Variants in ARHGEF11 observed in about 807,000 individuals in gnomAD.
ARHGEF11 encodes Rho guanine nucleotide exchange factor 11.
Under a neutral mutation model 193.7 loss-of-function variants are expected in ARHGEF11, and 55 were observed. The observed-to-expected ratio is 0.28, with a 90% CI of 0.23 to 0.36. The LOEUF is 0.36. Among genes scored for constraint, ARHGEF11 ranks in the 10% least tolerant of loss-of-function variants. The probability of loss-of-function intolerance (pLI) is 1.00; values close to 1 mark genes in which losing one functional copy is unlikely to be tolerated. For missense variants in ARHGEF11, 1,723 were observed against 2,005.6 expected, an observed-to-expected ratio of 0.86 and a Z score of 2.69; for synonymous variants, 693 against 768.0, an observed-to-expected ratio of 0.90 and a Z score of 1.62.
intron 3 of ARHGEF11, among the ~76,000 whole-genome samples, chr1:156,982,084 T>A (rs1401206905): frequency 2.0e-5 from 3 of 152,186 alleles, no homozygotes; most frequent in African/African-American, 7.2e-5. Context: ...TACTTGCAAA[T>A]AGCTTGAAAT....
intron 12 of ARHGEF11, 43 bp downstream of exon 12, chr1:156,963,477 G>A: frequency 6.3e-7 from 1 of 1,595,396 alleles, no homozygotes; most frequent in East Asian, 2.2e-5. Context: ...CAGCTTGTAT[G>A]ACAAAAAAAA....
At chr1:157,022,135 G>A (rs1301091744) in intron 1 of ARHGEF11, among the ~76,000 whole-genome samples, 1 of 152,212 alleles carries the variant, frequency 6.6e-6, no homozygotes, top group African/African-American at 2.4e-5. Flanking sequence ...AATAAACTGA[G>A]GATGGCCACT....
intron 1 of ARHGEF11, 135 bp downstream of exon 1, chr1:157,044,164 G>T: frequency 2.5e-6 from 2 of 798,556 alleles, no homozygotes; most frequent in African/African-American, 1.7e-5. Flanking sequence ...AGTCCCCAGA[G>T]ACTAATGCTC....
intron 15 of ARHGEF11, among the ~76,000 whole-genome samples, chr1:156,959,939 C>A (rs868023839): frequency 4.4e-4 from 49 of 111,478 alleles, no homozygotes; most frequent in Admixed American, 3.4e-3. Flanking sequence ...CCCTCCCCCC[C>A]CCCCAAAAAA....
Position 156,939,973 on chromosome 1 carries a change from T to C in ARHGEF11, c.3734-63A>G, listed in dbSNP as rs1233335431. On this transcript the variant is annotated intron_variant, in intron 36 of 40. Transcript: ENST00000368194. ...ACTGCACACCACGCCAGAAGGATCG[T>C]TGTACTGCCCCACTGACCCCAAGGT... The C allele has an allele frequency of 3.8e-6, 6 of 1,576,776 alleles. No individual in the cohort carries two copies. The Admixed American group carries it at 7.5e-5, about 20-fold the overall frequency.
At chr1:157,030,278 G>A (rs1251548235) in intron 1 of ARHGEF11, among the ~76,000 whole-genome samples, 1 of 152,168 alleles carries the variant, frequency 6.6e-6, no homozygotes, top group Admixed American at 6.5e-5. Flanking sequence ...TAGCTTAAAA[G>A]ATGCTGCACT....
chr1:156,995,488 C>T (rs1453378304), intron 1 of ARHGEF11, among the ~76,000 whole-genome samples: 1 of 152,072 alleles, frequency 6.6e-6, no homozygotes, highest in Non-Finnish European at 1.5e-5. Context: ...GTTGAGTTTC[C>T]CTGAAATTTA....
chr1:156,944,461 C>A (rs1557830770), intron 30 of ARHGEF11, 28 bp from the exon 31 acceptor site: 2 of 1,585,064 alleles, frequency 1.3e-6, no homozygotes, highest in Admixed American at 1.7e-5. Context: ...TTCATTCATT[C>A]ATTCATTCAT....
intron 1 of ARHGEF11, among the ~76,000 whole-genome samples, chr1:157,018,841 T>C (rs1469137543): frequency 6.6e-6 from 1 of 152,168 alleles, no homozygotes; most frequent in East Asian, 1.9e-4. Flanking sequence ...ATCAATGGAT[T>C]TTCAGCAAAG....
chr1:156,996,639 A>G (rs961107098), intron 1 of ARHGEF11, among the ~76,000 whole-genome samples: 8 of 151,412 alleles, frequency 5.3e-5, no homozygotes, highest in African/African-American at 1.5e-4. Context: ...CGGGCGTGGT[A>G]GCGGGCGCCT....
At chr1:156,994,458 C>A (rs1370713824) in intron 1 of ARHGEF11, among the ~76,000 whole-genome samples, 1 of 145,890 alleles carries the variant, frequency 6.9e-6, no homozygotes, top group African/African-American at 2.5e-5. Context: ...GTGAGGGGAA[C>A]AGAACTAGAA....
Position 156,963,224 on chromosome 1 carries a change from A to C in ARHGEF11, c.1119T>G (p.Ser373=), listed in dbSNP as rs764329817. The stretch of plus-strand genomic sequence containing the variant: ...TTACCAGTGGACTGGGGTCCGCCTG[A>C]GAGAAGATGTAACGTAGAAAAACCC... The part of the protein sequence containing the change: ...HLGVFLRYIF[S]QADPSPLLFY... The change falls in exon 13 of 41, where the codon TCT becomes TCG. Residue 373 remains serine (S), a synonymous_variant. Transcript: ENST00000368194. 2 of 1,613,990 alleles carry C rather than the reference A, an allele frequency of 1.2e-6. No homozygotes were observed. The highest frequency in any genetic ancestry group is 3.3e-5 in the Admixed American group (2 of 60,018).
Position 156,961,718 on chromosome 1 carries a change from A to C in ARHGEF11, c.1198T>G (p.Leu400Val), listed in dbSNP as rs1315203216. 1 of 1,614,198 alleles carries C rather than the reference A, an allele frequency of 6.2e-7. No homozygotes were observed. The highest frequency in any genetic ancestry group is 8.5e-7 in the Non-Finnish European group (1 of 1,180,036). Residue 400 changes from leucine to valine, a missense_variant, in exon 14 of 41, where the codon TTG becomes GTG. By Grantham distance (32) the Leu-to-Val change is conservative. Transcript: ENST00000368194. ...QQASPKDSRS[L>V]GKDIWNIFLE... Reference sequence around the variant, plus strand: ...AAAATATTCCAGATGTCTTTCCCCAAGCTTCGGGAATCCTTGGGGCTTGCC... The same window carrying C: ...AAAATATTCCAGATGTCTTTCCCCACGCTTCGGGAATCCTTGGGGCTTGCC...
Position 156,959,039 on chromosome 1 carries a change from G to C in ARHGEF11, c.1379+7C>G. The C allele has an allele frequency of 1.2e-6, 2 of 1,614,146 alleles. No individual in the cohort carries two copies. Among genetic ancestry groups the C allele is most frequent in the South Asian group, 1.1e-5 (1 of 91,080 alleles). Reference sequence around the variant, plus strand: ...GAGAGAGGTGGGAGGTCAGCTCCTGGGCCAACCTGTAGTCGTGGATCTGCT... The same window carrying C: ...GAGAGAGGTGGGAGGTCAGCTCCTGCGCCAACCTGTAGTCGTGGATCTGCT... On this transcript the variant is annotated splice_region_variant and intron_variant, in intron 16 of 40. Transcript: ENST00000368194.
chr1:156,957,654 G>C, intron 18 of ARHGEF11, 138 bp downstream of exon 18: 1 of 931,644 alleles, frequency 1.1e-6, no homozygotes, highest in Non-Finnish European at 1.7e-6. Flanking sequence ...CTGAGTGCTA[G>C]ACTTTCAGGA....
upstream of ARHGEF11, among the ~76,000 whole-genome samples, chr1:157,046,619 TAGC>T (rs57389097): frequency 0.29 from 44,156 of 152,052 alleles, 7,169 homozygotes; most frequent in Middle Eastern, 0.48. Context: ...GGCATCTTAA[TAGC>T]AGGCTGTGTG....
chr1:156,975,045 G>A (rs1466654162), intron 7 of ARHGEF11, among the ~76,000 whole-genome samples: 1 of 152,112 alleles, frequency 6.6e-6, no homozygotes, highest in African/African-American at 2.4e-5. Flanking sequence ...GGAACTGCTG[G>A]GTCATATAGT....
intron 37 of ARHGEF11, 114 bp downstream of exon 37, chr1:156,939,434 T>C (rs1656281800): frequency 1.4e-6 from 2 of 1,465,050 alleles, no homozygotes; most frequent in East Asian, 4.5e-5. Context: ...CCAGCGTAGG[T>C]CTCTGCTCAC....
intron 22 of ARHGEF11, chr1:156,949,047 T>A: frequency 2.0e-6 from 2 of 985,462 alleles, no homozygotes; most frequent in Non-Finnish European, 2.4e-6. Flanking sequence ...ACACTGCCTG[T>A]CAGAAAGTTC....
Sources: allele counts gnomAD v4.1 joint callset (sites outside exome capture counted in the v4.1 genomes callset), GRCh38; gene constraint gnomAD v4.1.1; transcripts MANE v1.5; gene names NCBI Gene and HGNC (gene_info 2026-07-23, HGNC 2026-07-21).